The following TBCK variants were observed in gnomAD, a reference collection of about 807,000 sequenced individuals.
TBCK encodes TBC domain-containing protein kinase-like protein.
A neutral mutation model predicts 113.4 loss-of-function variants in TBCK; 99 were observed. The observed-to-expected ratio is 0.87, with a 90% CI of 0.74 to 1.03. The LOEUF (loss-of-function observed/expected upper bound fraction) is 1.03, where lower values mean the gene tolerates loss of function less well. TBCK is among the 50% of genes least tolerant of loss of function. TBCK has a pLI of 0.00. For missense variants in TBCK, 1,045 were observed against 1,061.3 expected (o/e 0.98, Z 0.21); for synonymous variants, 369 against 370.8 (o/e 1.00, Z 0.05).
intron 3 of TBCK, among the ~76,000 whole-genome samples, chr4:106,271,425 A>C (rs1369274743): frequency 6.6e-6 from 1 of 152,130 alleles, no homozygotes; most frequent in Non-Finnish European, 1.5e-5. Context: ...TTCAACCAGA[A>C]TCTATAAGAT....
chr4:106,203,512 A>G (rs1210780722), intron 20 of TBCK, among the ~76,000 whole-genome samples: 1 of 151,854 alleles, frequency 6.6e-6, no homozygotes, highest in Non-Finnish European at 1.5e-5. Context: ...AGATTATATT[A>G]GTTATATCTT....
chr4:106,079,444 C>A (rs1054303498), intron 25 of TBCK, among the ~76,000 whole-genome samples: 5 of 152,142 alleles, frequency 3.3e-5, no homozygotes, highest in Admixed American at 3.3e-4. Context: ...TGCCAATAGG[C>A]TTTTATAACC....
intron 19 of TBCK, among the ~76,000 whole-genome samples, chr4:106,216,922 A>T (rs888335816): frequency 6.6e-6 from 1 of 152,030 alleles, no homozygotes; most frequent in African/African-American, 2.4e-5. Context: ...CAAAAAAGAG[A>T]ATTTTAGACC....
At chr4:106,267,919 C>A (rs372970808) in intron 3 of TBCK, among the ~76,000 whole-genome samples, 3 of 152,038 alleles carry the variant, frequency 2.0e-5, no homozygotes, top group Admixed American at 6.6e-5. Context: ...TGGAAGACTT[C>A]GTATGTTCAC....
chr4:106,249,553 G>A (rs1761203410), intron 7 of TBCK, among the ~76,000 whole-genome samples: 1 of 152,024 alleles, frequency 6.6e-6, no homozygotes. Flanking sequence ...TTTTTAAGAA[G>A]GCTTTGTAGT....
At chr4:106,085,279 AAC>A (rs1739367834) in intron 25 of TBCK, among the ~76,000 whole-genome samples, 1 of 151,166 alleles carries the variant, frequency 6.6e-6, no homozygotes, top group Non-Finnish European at 1.5e-5. Flanking sequence ...AGAAAAACAA[AAC>A]AAAACAAAAC....
rs113636427 is a variant in TBCK, at chr4:106,236,542, TAA to T, written c.1221-25_1221-24del. 0.19 allele frequency: 224,834 copies of T among 1,214,816 alleles called. 14,816 individuals carry two copies. The highest frequency in any genetic ancestry group is 0.24 in the South Asian group (11,725 of 48,254). 75.3% of individuals were successfully genotyped at this position (1,214,816 alleles called of 1,614,324 possible). On this transcript the variant is annotated intron_variant, in intron 13 of 25. Coordinates refer to ENST00000394708, the MANE Select transcript of TBCK (RefSeq NM_001163435.3). ...TGGCTGTAAAAGAGAACAAAAGCAA[TAA>T]AAAAAAAAAATGGACAAAAGGTACA...
chr4:106,188,137 G>A (rs753233900), intron 22 of TBCK, among the ~76,000 whole-genome samples: 14 of 152,120 alleles, frequency 9.2e-5, no homozygotes, highest in Admixed American at 2.0e-4. Context: ...AATTCTCAAG[G>A]GGAATATGCA....
At chr4:106,176,552 T>C (rs987174687) in intron 22 of TBCK, among the ~76,000 whole-genome samples, 1 of 152,088 alleles carries the variant, frequency 6.6e-6, no homozygotes, top group Non-Finnish European at 1.5e-5. Flanking sequence ...ATTGTGTTTT[T>C]ATGTACGTTT....
intron 23 of TBCK, among the ~76,000 whole-genome samples, chr4:106,117,792 G>A (rs1014433783): frequency 3.3e-5 from 5 of 152,190 alleles, no homozygotes; most frequent in South Asian, 2.1e-4. Flanking sequence ...GGTGGATTAC[G>A]AGGTCAGGAA....
intron 1 of TBCK, among the ~76,000 whole-genome samples, chr4:106,315,284 A>G (rs1768677963): frequency 6.6e-6 from 1 of 152,038 alleles, no homozygotes; most frequent in South Asian, 2.1e-4. Context: ...ATAATGAACA[A>G]GTCAGACTCT....
chr4:106,122,081 C>T (rs1404860187), intron 23 of TBCK, among the ~76,000 whole-genome samples: 23 of 152,064 alleles, frequency 1.5e-4, no homozygotes, highest in Non-Finnish European at 2.5e-4. Context: ...TTACTGAATC[C>T]AGGAGCTGGT....
chr4:106,256,251 C>T (rs994368372), intron 5 of TBCK, among the ~76,000 whole-genome samples: 2 of 152,146 alleles, frequency 1.3e-5, no homozygotes, highest in Admixed American at 6.5e-5. Flanking sequence ...CAGGGACCTG[C>T]CCCCTTCTAC....
intron 3 of TBCK, among the ~76,000 whole-genome samples, chr4:106,277,138 G>A (rs543839472): frequency 7.2e-5 from 11 of 152,132 alleles, no homozygotes; most frequent in South Asian, 4.1e-4. Flanking sequence ...AATCTATAAC[G>A]AAATACTACT....
chr4:106,177,974 T>C (rs11097919), intron 22 of TBCK, among the ~76,000 whole-genome samples: 28,274 of 151,886 alleles, frequency 0.19, 2,657 homozygotes, highest in South Asian at 0.25. Context: ...TGATATCTTT[T>C]CATTTTTTAT....
intron 25 of TBCK, among the ~76,000 whole-genome samples, chr4:106,071,378 G>A (rs1737415063): frequency 1.3e-5 from 2 of 152,172 alleles, no homozygotes; most frequent in South Asian, 4.1e-4. Flanking sequence ...TCAGGAGCAG[G>A]TTGTTCAGTT....
intron 16 of TBCK, 105 bp downstream of exon 16, chr4:106,233,483 G>A (rs1237816935): frequency 2.4e-6 from 2 of 816,680 alleles, no homozygotes; most frequent in Admixed American, 2.2e-5. Flanking sequence ...GTATGCAGCA[G>A]TGTCTCTGTA....
chr4:106,176,053 A>G (rs1751630156), intron 22 of TBCK, among the ~76,000 whole-genome samples: 1 of 152,120 alleles, frequency 6.6e-6, no homozygotes, highest in South Asian at 2.1e-4. Flanking sequence ...AAAATTGTAC[A>G]TAGTTTATGT....
intron 23 of TBCK, among the ~76,000 whole-genome samples, chr4:106,148,375 C>T (rs190632384): frequency 5.3e-5 from 8 of 152,266 alleles, no homozygotes; most frequent in South Asian, 2.1e-4. Context: ...ATGTCTCCCC[C>T]GGATGCCCAG....
Sources: allele counts gnomAD v4.1 joint callset (sites outside exome capture counted in the v4.1 genomes callset), GRCh38; gene constraint gnomAD v4.1.1; transcripts MANE v1.5; gene names NCBI Gene and HGNC (gene_info 2026-07-23, HGNC 2026-07-21).